Variants in POM121 observed in about 807,000 individuals in gnomAD.
The protein encoded by POM121 is POM121 transmembrane nucleoporin.
POM121 carries 32 observed loss-of-function variants against 81.3 expected under a neutral mutation model. The observed-to-expected ratio is 0.39, with a 90% CI of 0.30 to 0.53. The LOEUF (loss-of-function observed/expected upper bound fraction) is 0.53. Among genes scored for constraint, POM121 ranks in the 20% least tolerant of loss-of-function variants. The pLI is 0.66. For synonymous variants in POM121, 514 were observed against 694.2 expected (o/e 0.74, Z 4.08); for missense variants, 1,138 against 1,614.6 (o/e 0.70, Z 5.06).
At chr7:72,886,152 A>T (rs3095067) in intron 1 of POM121, among the ~76,000 whole-genome samples, 201 of 139,442 alleles carry the variant, frequency 1.4e-3, no homozygotes, top group African/African-American at 4.4e-3. Context: ...TTAATTAAAC[A>T]GTATTTATTT....
At chr7:72,949,841 C>G (rs1797946350), downstream of POM121, 1 of 1,495,698 alleles carries the variant, frequency 6.7e-7, no homozygotes, top group African/African-American at 1.4e-5. Context: ...TCCTGTGGCA[C>G]TCACCCTTGG....
At position 72,928,402 on chromosome 7, in the gene POM121, G is replaced by T; in HGVS notation, c.1040G>T (p.Gly347Val). The T allele has an allele frequency of 6.2e-7, 1 of 1,614,224 alleles. No homozygotes were observed. Among genetic ancestry groups the T allele is most frequent in the Non-Finnish European group, 8.5e-7 (1 of 1,180,024 alleles). ...ENKRRRHDSSGSGHSAFEPLV... is the reference protein window; with the variant it reads ...ENKRRRHDSSVSGHSAFEPLV... ...TGTCGCAGGCGCCATGATAGCAGTG[G>T]CAGTGGACATTCAGCATTTGAGCCC... Residue 347 changes from glycine (G) to valine (V), a missense_variant, in exon 4 of 13, where the codon GGC becomes GTC. Transcript: ENST00000434423.
intron 1 of POM121, among the ~76,000 whole-genome samples, chr7:72,880,638 G>T (rs1425429452): frequency 6.6e-6 from 1 of 151,930 alleles, no homozygotes; most frequent in African/African-American, 2.4e-5. Flanking sequence ...CCTGTAATCC[G>T]AGCACTTTGC....
chr7:72,939,702 A>G (rs1554500351), intron 7 of POM121, 145 bp from the exon 8 acceptor site: 1 of 1,599,850 alleles, frequency 6.3e-7, no homozygotes, highest in African/African-American at 1.3e-5. Context: ...TCTTGCAAAC[A>G]CCATCCAAGC....
In POM121 at chr7:72,925,247, TG is replaced by T. The variant is rs1554496903; in HGVS notation, c.128del (p.Gly43AlafsTer16). ...CGGTGCTCCTGGGCCTGTCGCTGGT[TG>T]GCCTCTTACTGTACCTCGTGCCGGC... Reference protein sequence around the residue: ...RAVLLGLSLVGLLLYLVPAAA... With the variant: ...RAVLLGLSLVXLLLYLVPAAA... On this transcript the variant is annotated frameshift_variant, in exon 1 of 13. Transcript: ENST00000434423. LOFTEE classifies it high-confidence loss of function. 1 of 1,534,078 alleles carries T rather than the reference TG, an allele frequency of 6.5e-7. No individual in the cohort carries two copies. Among genetic ancestry groups the T allele is most frequent in the Non-Finnish European group, 8.7e-7 (1 of 1,146,164 alleles).
intron 3 of POM121, among the ~76,000 whole-genome samples, chr7:72,908,135 T>C (rs1793449644): frequency 6.6e-6 from 1 of 152,258 alleles, no homozygotes; most frequent in Non-Finnish European, 1.5e-5. Flanking sequence ...AACGTAGTTC[T>C]TCTACATATC....
intron 3 of POM121, among the ~76,000 whole-genome samples, chr7:72,897,200 CAATT>C (rs1554491842): frequency 6.6e-6 from 1 of 151,978 alleles, no homozygotes; most frequent in African/African-American, 2.4e-5. Context: ...CAAATGGTGA[CAATT>C]ACTGTGACGG....
At chr7:72,906,582 TCTACA>T (rs1554493490) in intron 3 of POM121, among the ~76,000 whole-genome samples, 1 of 152,238 alleles carries the variant, frequency 6.6e-6, no homozygotes, top group Non-Finnish European at 1.5e-5. Context: ...GGGACTGATC[TCTACA>T]CTACAGCTTC....
chr7:72,949,012 A>G (rs1797905493), downstream of POM121: 1 of 1,611,620 alleles, frequency 6.2e-7, no homozygotes, highest in East Asian at 2.2e-5. Context: ...CGCGTGGCAC[A>G]GGGCTCGCTG....
At chr7:72,890,399 A>T (rs539529577) in intron 1 of POM121, among the ~76,000 whole-genome samples, 11,992 of 149,054 alleles carry the variant, frequency 0.08, 1,541 homozygotes, top group African/African-American at 0.28. Flanking sequence ...TCCCCAAAAC[A>T]CAGTTCAGTT....
intron 3 of POM121, among the ~76,000 whole-genome samples, chr7:72,898,922 T>C (rs1344428418): frequency 1.3e-5 from 2 of 151,694 alleles, no homozygotes; most frequent in African/African-American, 4.8e-5. Flanking sequence ...GGTGAGTTCT[T>C]TGAGAGGAGA....
chr7:72,949,363 C>T (rs782478021), downstream of POM121: 10 of 827,186 alleles, frequency 1.2e-5, no homozygotes, highest in East Asian at 2.4e-5. Context: ...CTCACGATAG[C>T]GCGGATCTAA....
chr7:72,914,491 CTT>C lies in POM121; in HGVS notation c.-152+679_-152+680del, dbSNP rs77243556. 7.8e-3 allele frequency among the ~76,000 whole-genome samples: 1,033 copies of C among 132,524 alleles called. 12 individuals are homozygous for C. The highest frequency in any genetic ancestry group is 0.026 in the African/African-American group (972 of 36,990). The allele number at this position is 132,524 out of a possible 152,430, so 86.9% of individuals were successfully genotyped here. A position where few individuals can be genotyped will look rare whatever the true frequency, so the allele number is the denominator to read the frequency against. On this transcript the variant is annotated intron_variant, in intron 4 of 15. Coordinates refer to the POM121 transcript ENST00000395270. ...TACTCATTAAGGAATGAGACTGTGT[CTT>C]TTTTTTTTTTTTTTTAACTTTTTGT...
downstream of POM121, chr7:72,950,207 A>G (rs1797966531): frequency 6.2e-7 from 1 of 1,608,886 alleles, no homozygotes; most frequent in Non-Finnish European, 8.5e-7. Flanking sequence ...CTGCCAGGGA[A>G]GAACCATTCA....
At chr7:72,901,216 TTC>T (rs1792605825) in intron 3 of POM121, among the ~76,000 whole-genome samples, 1 of 151,696 alleles carries the variant, frequency 6.6e-6, no homozygotes, top group Non-Finnish European at 1.5e-5. Context: ...TTTTCTTTTT[TTC>T]TTTTTTTTTT....
intron 3 of POM121, among the ~76,000 whole-genome samples, chr7:72,903,255 G>A (rs1731440890): frequency 1.3e-5 from 2 of 152,276 alleles, no homozygotes; most frequent in South Asian, 4.1e-4. Flanking sequence ...GGCCAACATG[G>A]TGAAACCCCA....
At chr7:72,916,416 A>G (rs1378167980) in intron 4 of POM121, among the ~76,000 whole-genome samples, 2 of 152,136 alleles carry the variant, frequency 1.3e-5, no homozygotes, top group East Asian at 3.9e-4. Flanking sequence ...GCACCATTAA[A>G]TAGAGAATCC....
chr7:72,948,888 G>T, downstream of POM121: 1 of 1,610,784 alleles, frequency 6.2e-7, no homozygotes, highest in African/African-American at 1.3e-5. Context: ...CGCACGCCCT[G>T]TACCTGAAGG....
At chr7:72,936,598 G>A (rs1796536049) in intron 5 of POM121, among the ~76,000 whole-genome samples, 1 of 152,126 alleles carries the variant, frequency 6.6e-6, no homozygotes, top group Admixed American at 6.5e-5. Flanking sequence ...TTCTAGAAGA[G>A]ATGAGGTTTC....
Sources: allele counts gnomAD v4.1 joint callset (sites outside exome capture counted in the v4.1 genomes callset), GRCh38; gene constraint gnomAD v4.1.1; transcripts MANE v1.5; gene names NCBI Gene and HGNC (gene_info 2026-07-23, HGNC 2026-07-21).